The following DECR1 variants were observed in gnomAD, a reference collection of about 807,000 sequenced individuals.
The protein encoded by DECR1 is 2,4-dienoyl-CoA reductase 1, also known as 2,4-dienoyl-CoA reductase [(3E)-enoyl-CoA-producing], mitochondrial.
DECR1 carries 44 observed loss-of-function variants against 38.8 expected under a neutral mutation model. The observed-to-expected ratio is 1.13, with a 90% CI of 0.89 to 1.46. The LOEUF is 1.46. Among genes scored for constraint, DECR1 ranks in the 40% most tolerant of loss-of-function variants. The pLI is 0.00. For missense variants in DECR1, 428 were observed against 405.5 expected (o/e 1.06, Z -0.48); for synonymous variants, 148 against 135.2 (o/e 1.09, Z -0.66).
At chr8:90,004,564 C>T (rs910323919) in intron 1 of DECR1, among the ~76,000 whole-genome samples, 1 of 152,178 alleles carries the variant, frequency 6.6e-6, no homozygotes, top group Non-Finnish European at 1.5e-5. Context: ...TTGGATGTCA[C>T]ATTTTCCCTT....
intron 1 of DECR1, among the ~76,000 whole-genome samples, chr8:90,003,798 G>T (rs1399503192): frequency 6.6e-6 from 1 of 151,978 alleles, no homozygotes; most frequent in African/African-American, 2.4e-5. Flanking sequence ...AAATTACTGG[G>T]TGTGGTTTCA....
Position 90,044,968 on chromosome 8 carries a change from T to C in DECR1, c.858T>C (p.Ser286=), listed in dbSNP as rs769018034. 6.2e-7 allele frequency: 1 copy of C among 1,613,738 alleles called. No individual in the cohort carries two copies. Among genetic ancestry groups the C allele is most frequent in the Non-Finnish European group, 8.5e-7 (1 of 1,179,782 alleles). ...CAAATCTTGCTGCTTTCCTTTGTAG[T>C]GATTATGCTTCTTGGATTAATGGAG... ...ELANLAAFLC[S]DYASWINGAV... Residue 286 remains serine, a synonymous_variant, in exon 8 of 10, where the codon AGT becomes AGC. Transcript: ENST00000220764.
At chr8:90,038,997 T>C (rs1318898822) in intron 6 of DECR1, among the ~76,000 whole-genome samples, 1 of 152,240 alleles carries the variant, frequency 6.6e-6, no homozygotes, top group Admixed American at 6.5e-5. Flanking sequence ...TTTTATCTCA[T>C]GTCCTTTAAG....
chr8:90,025,764 T>C (rs1436779447), intron 5 of DECR1, among the ~76,000 whole-genome samples: 1 of 152,192 alleles, frequency 6.6e-6, no homozygotes, highest in Non-Finnish European at 1.5e-5. Flanking sequence ...CTATGTTGAA[T>C]AGGAGTGGTG....
chr8:90,009,775 G>C (rs189755900), intron 1 of DECR1, among the ~76,000 whole-genome samples: 11 of 152,292 alleles, frequency 7.2e-5, no homozygotes, highest in African/African-American at 2.4e-4. Flanking sequence ...TCAGAGGCAG[G>C]CAGGAGTGAA....
Position 90,015,151 on chromosome 8 carries a change from T to TCAAA in DECR1, c.70-1960_70-1957dup, listed in dbSNP as rs750587342. ...AGATTTGGAAAGTACTAAAAACCAA[T>TCAAA]CAAACAAACAAACAAAAAAAAACAA... On this transcript the variant is annotated intron_variant, in intron 1 of 9. Coordinates refer to ENST00000220764, the MANE Select transcript of DECR1 (RefSeq NM_001359.2). Among the ~76,000 whole-genome samples the TCAAA allele has an allele frequency of 5.3e-5, 8 of 152,002 alleles. No homozygotes were observed. In the East Asian group the frequency reaches 7.7e-4, roughly 15 times the overall value.
At chr8:90,010,501 G>T (rs1038901846) in intron 1 of DECR1, among the ~76,000 whole-genome samples, 1 of 152,254 alleles carries the variant, frequency 6.6e-6, no homozygotes, top group Non-Finnish European at 1.5e-5. Flanking sequence ...AAATTGGGAA[G>T]TAGTTATGGA....
intron 6 of DECR1, chr8:90,042,468 G>T: frequency 2.1e-6 from 1 of 466,180 alleles, no homozygotes; most frequent in East Asian, 3.6e-5. Flanking sequence ...TAAAGGTTAG[G>T]TTGTACAGTA....
chr8:90,009,489 G>A (rs1163698285), intron 1 of DECR1, among the ~76,000 whole-genome samples: 1 of 146,700 alleles, frequency 6.8e-6, no homozygotes, highest in East Asian at 2.0e-4. Flanking sequence ...GCTGAGAATA[G>A]AATATTGTGT....
chr8:90,050,628 G>C (rs1814053434), intron 8 of DECR1, among the ~76,000 whole-genome samples: 2 of 152,078 alleles, frequency 1.3e-5, no homozygotes, highest in Admixed American at 1.3e-4. Flanking sequence ...ATTCCTCAAG[G>C]GTCTAGAACT....
intron 8 of DECR1, 104 bp downstream of exon 8, chr8:90,045,099 T>A: frequency 1.0e-6 from 1 of 997,462 alleles, no homozygotes; most frequent in Non-Finnish European, 1.6e-6. Flanking sequence ...AAATATCATT[T>A]AAAATATGTA....
chr8:90,044,704 T>C (rs991208825), intron 7 of DECR1, 145 bp from the exon 8 acceptor site: 1 of 714,466 alleles, frequency 1.4e-6, no homozygotes, highest in Non-Finnish European at 2.1e-6. Flanking sequence ...TTTTTAAGAA[T>C]AATTTGGTGA....
chr8:90,036,367 C>T (rs1813616655), intron 5 of DECR1, among the ~76,000 whole-genome samples: 1 of 152,140 alleles, frequency 6.6e-6, no homozygotes, highest in Admixed American at 6.5e-5. Context: ...TAGTCCTTCC[C>T]TGCCTGCTGT....
chr8:90,051,841 A>G lies in DECR1; in HGVS notation c.952A>G (p.Thr318Ala). Residue 318 changes from threonine to alanine, a missense_variant, in exon 10 of 10, where the codon ACC (threonine) becomes GCC (alanine). Thr to Ala is a moderately conservative substitution (Grantham distance 58). Transcript: ENST00000220764. ...SGEFNDLRKV[T>A]KEQWDTIEEL... is the part of the protein sequence containing the mutation. Reference sequence around the variant, plus strand: ...ATTGACATCTTTTTTGTGTTAGGTCACCAAGGAGCAGTGGGACACCATAGA... The same window carrying G: ...ATTGACATCTTTTTTGTGTTAGGTCGCCAAGGAGCAGTGGGACACCATAGA... The G allele has an allele frequency of 6.2e-7, 1 of 1,613,824 alleles. No homozygotes were observed. Among genetic ancestry groups the G allele is most frequent in the Non-Finnish European group, 8.5e-7 (1 of 1,179,876 alleles).
chr8:90,001,932 C>T (rs944303038), intron 1 of DECR1, among the ~76,000 whole-genome samples: 12 of 151,878 alleles, frequency 7.9e-5, no homozygotes, highest in East Asian at 1.9e-4. Context: ...CCCGGCGTCC[C>T]TGGGGCTCAG....
intron 5 of DECR1, among the ~76,000 whole-genome samples, chr8:90,022,170 G>T (rs1216973684): frequency 6.6e-6 from 1 of 152,162 alleles, no homozygotes; most frequent in Non-Finnish European, 1.5e-5. Flanking sequence ...GCTCCTCAGA[G>T]GATGTCCTTT....
intron 1 of DECR1, among the ~76,000 whole-genome samples, chr8:90,010,840 C>A (rs1156458677): frequency 6.6e-6 from 1 of 152,166 alleles, no homozygotes; most frequent in Non-Finnish European, 1.5e-5. Context: ...ATGTCCTTAT[C>A]ATGAAATTGA....
Position 90,020,902 on chromosome 8 carries a change from T to C in DECR1, c.418-7T>C. The C allele has an allele frequency of 6.5e-7, 1 of 1,530,860 alleles. No homozygotes were observed. The allele number at this position is 1,530,860 out of a possible 1,614,324, so 94.8% of individuals were successfully genotyped here. On this transcript the variant is annotated splice_region_variant and splice_polypyrimidine_tract_variant and intron_variant, in intron 4 of 9. Transcript: ENST00000220764. ...AGTTTCTGTAACTTGCCTTGTTCATTTATTAGATTGTGATAAACAATGCAG... is the reference window on the plus strand; with the variant it reads ...AGTTTCTGTAACTTGCCTTGTTCATCTATTAGATTGTGATAAACAATGCAG...
intron 1 of DECR1, among the ~76,000 whole-genome samples, chr8:90,014,590 C>T (rs747333135): frequency 3.9e-5 from 6 of 152,084 alleles, no homozygotes; most frequent in Non-Finnish European, 4.4e-5. Context: ...CCACATGTGA[C>T]ATTTTTACCT....
Sources: gnomAD v4.1 joint callset for allele counts (sites outside exome capture counted in the v4.1 genomes callset) on GRCh38, gnomAD v4.1.1 for gene constraint, MANE v1.5 for transcripts, NCBI Gene and HGNC (gene_info 2026-07-23, HGNC 2026-07-21) for gene names.